Variants in NSMCE2 observed in about 807,000 individuals in gnomAD.
NSMCE2 encodes NSE2 SUMO ligase component of SMC5/6 complex.
NSMCE2 carries 24 observed loss-of-function variants against 23.8 expected under a neutral mutation model. The ratio of observed to expected loss-of-function variants is 1.01; its 90% CI spans 0.73 to 1.42. NSMCE2 has a LOEUF of 1.42. Among genes scored for constraint, NSMCE2 ranks in the 40% most tolerant of loss-of-function variants. The probability of loss-of-function intolerance (pLI) is 0.00; values close to 1 mark genes in which losing one functional copy is unlikely to be tolerated. For missense variants in NSMCE2, 284 were observed against 296.5 expected (o/e 0.96, Z 0.31); for synonymous variants, 92 against 94.1 (o/e 0.98, Z 0.13).
At chr8:125,154,953 A>C (rs1821235713) in intron 4 of NSMCE2, among the ~76,000 whole-genome samples, 1 of 152,110 alleles carries the variant, frequency 6.6e-6, no homozygotes, top group Non-Finnish European at 1.5e-5. Context: ...TTCAGTTTTC[A>C]TAAATAAATG....
At chr8:125,307,910 C>T (rs916704272) in intron 5 of NSMCE2, among the ~76,000 whole-genome samples, 1 of 152,210 alleles carries the variant, frequency 6.6e-6, no homozygotes, top group African/African-American at 2.4e-5. Flanking sequence ...ACGCATATGT[C>T]AGTTTGTTGC....
chr8:125,296,136 T>G (rs1380281319), intron 5 of NSMCE2, among the ~76,000 whole-genome samples: 4 of 152,232 alleles, frequency 2.6e-5, no homozygotes, highest in African/African-American at 9.6e-5. Context: ...GATTATCTCA[T>G]TTAATACTTT....
chr8:125,317,643 C>A (rs1420967941), intron 5 of NSMCE2, among the ~76,000 whole-genome samples: 1 of 152,110 alleles, frequency 6.6e-6, no homozygotes, highest in African/African-American at 2.4e-5. Context: ...TCAGCATAAG[C>A]CAATGTGAAC....
At chr8:125,360,026 G>A (rs989475195) in intron 7 of NSMCE2, among the ~76,000 whole-genome samples, 1 of 152,168 alleles carries the variant, frequency 6.6e-6, no homozygotes, top group East Asian at 1.9e-4. Flanking sequence ...TGATTGTGGA[G>A]GTACAGTTAA....
chr8:125,331,930 C>A (rs1829894717), intron 5 of NSMCE2, among the ~76,000 whole-genome samples: 1 of 152,166 alleles, frequency 6.6e-6, no homozygotes, highest in Non-Finnish European at 1.5e-5. Context: ...ACAGTAGTTC[C>A]ATATTTCATT....
chr8:125,129,150 ATGTT>A (rs1178107120), intron 3 of NSMCE2, among the ~76,000 whole-genome samples: 2 of 152,152 alleles, frequency 1.3e-5, no homozygotes, highest in African/African-American at 2.4e-5. Context: ...CATAGAATGA[ATGTT>A]TGTTTCTTAG....
chr8:125,310,595 C>A (rs540021680), intron 5 of NSMCE2, among the ~76,000 whole-genome samples: 4 of 151,200 alleles, frequency 2.6e-5, no homozygotes, highest in African/African-American at 9.7e-5. Context: ...TTTAAGCCCC[C>A]TTTTTTTTTG....
intron 5 of NSMCE2, among the ~76,000 whole-genome samples, chr8:125,240,866 G>A (rs1825741178): frequency 1.3e-5 from 2 of 152,058 alleles, no homozygotes; most frequent in South Asian, 4.2e-4. Context: ...AAAATGTTAG[G>A]AACAACTGCA....
At chr8:125,151,315 C>A (rs58217279) in intron 4 of NSMCE2, 38 bp downstream of exon 4, 2 of 1,052,396 alleles carry the variant, frequency 1.9e-6, no homozygotes, top group African/African-American at 1.6e-5. Flanking sequence ...TATTTGGTTA[C>A]AACTCACTGA....
chr8:125,275,232 G>A (rs1485677764), intron 5 of NSMCE2, among the ~76,000 whole-genome samples: 1 of 151,994 alleles, frequency 6.6e-6, no homozygotes, highest in Non-Finnish European at 1.5e-5. Flanking sequence ...AACATTTGAT[G>A]TCCTTTGATG....
At chr8:125,196,197 T>C (rs1265273433) in intron 5 of NSMCE2, among the ~76,000 whole-genome samples, 1 of 150,176 alleles carries the variant, frequency 6.7e-6, no homozygotes, top group African/African-American at 2.5e-5. Flanking sequence ...GATAACTTTT[T>C]TTTTTCTTTT....
At chr8:125,319,856 A>C (rs1257100672) in intron 5 of NSMCE2, among the ~76,000 whole-genome samples, 1 of 152,092 alleles carries the variant, frequency 6.6e-6, no homozygotes, top group African/African-American at 2.4e-5. Context: ...AAAAGAAGAA[A>C]GCTATGAGGA....
At chr8:125,357,185 C>A in intron 5 of NSMCE2, 34 bp from the exon 6 acceptor site, 1 of 1,345,754 alleles carries the variant, frequency 7.4e-7, no homozygotes, top group Non-Finnish European at 1.1e-6. Flanking sequence ...GACGTTAGAC[C>A]AGAGAGGCTT....
At chr8:125,127,129 C>T (rs552656752) in intron 3 of NSMCE2, 1 of 152,344 alleles carries the variant, frequency 6.6e-6, no homozygotes, top group South Asian at 2.1e-4. Flanking sequence ...AAAATATGGA[C>T]ATTATCTCCT....
At chr8:125,121,740 T>G (rs1819272667) in intron 3 of NSMCE2, among the ~76,000 whole-genome samples, 3 of 152,196 alleles carry the variant, frequency 2.0e-5, no homozygotes, top group Admixed American at 2.0e-4. Flanking sequence ...ATGTTATAAA[T>G]GCCTTATGTG....
chr8:125,193,975 G>T (rs1289820028), intron 5 of NSMCE2, among the ~76,000 whole-genome samples: 1 of 152,138 alleles, frequency 6.6e-6, no homozygotes, highest in Non-Finnish European at 1.5e-5. Context: ...AGTGTTAGTG[G>T]TTCTTGTGGA....
chr8:125,267,601 C>T (rs1826982182), intron 5 of NSMCE2, among the ~76,000 whole-genome samples: 1 of 152,062 alleles, frequency 6.6e-6, no homozygotes, highest in Non-Finnish European at 1.5e-5. Context: ...ACCTGGGCAA[C>T]ATAGGGAGGC....
intron 3 of NSMCE2, among the ~76,000 whole-genome samples, chr8:125,113,410 T>A (rs1159846518): frequency 9.9e-5 from 15 of 151,372 alleles, no homozygotes; most frequent in Admixed American, 9.9e-4. Context: ...AGCCCAGGAG[T>A]TCAAGGCTAC....
At chr8:125,094,556 T>A (rs1817837182) in intron 1 of NSMCE2, 1 of 152,220 alleles carries the variant, frequency 6.6e-6, no homozygotes, top group Non-Finnish European at 1.5e-5. Flanking sequence ...TTCAAACAAA[T>A]AGTGACAGCT....
Sources: allele counts gnomAD v4.1 joint callset (sites outside exome capture counted in the v4.1 genomes callset), GRCh38; gene constraint gnomAD v4.1.1; transcripts MANE v1.5; gene names NCBI Gene and HGNC (gene_info 2026-07-23, HGNC 2026-07-21).